EPB41L4A: variants seen among roughly 807,000 people sequenced by gnomAD.
The protein encoded by EPB41L4A is erythrocyte membrane protein band 4.1 like 4A.
A neutral mutation model predicts 108.6 loss-of-function variants in EPB41L4A; 100 were observed. That is an observed-to-expected ratio of 0.92 (90% CI 0.78 to 1.09). The LOEUF is 1.09. Among genes scored for constraint, EPB41L4A ranks in the 50% least tolerant of loss-of-function variants. The probability of loss-of-function intolerance (pLI) is 0.00; values close to 1 mark genes in which losing one functional copy is unlikely to be tolerated. For missense variants in EPB41L4A, 1,030 were observed against 842.7 expected (o/e 1.22, Z -2.75); for synonymous variants, 319 against 289.0 (o/e 1.10, Z -1.05).
chr5:112,143,883 G>T, intron 13 of EPB41L4A: 1 of 455,302 alleles, frequency 2.2e-6, no homozygotes, highest in Non-Finnish European at 4.4e-6. Flanking sequence ...AGTCTGCACT[G>T]AAGACATAGA....
At chr5:112,355,392 T>A (rs1327389972) in intron 1 of EPB41L4A, among the ~76,000 whole-genome samples, 1 of 152,188 alleles carries the variant, frequency 6.6e-6, no homozygotes, top group African/African-American at 2.4e-5. Context: ...AGACTAAAGA[T>A]CCTTCTCATG....
chr5:112,161,478 C>T (rs764510397), downstream of EPB41L4A: 4 of 518,068 alleles, frequency 7.7e-6, no homozygotes, highest in Non-Finnish European at 1.5e-5. Flanking sequence ...CTACCTCACG[C>T]AGTGTCAGCC....
chr5:112,339,478 A>ATCTATATATCTATATCTATATC, intron 1 of EPB41L4A, among the ~76,000 whole-genome samples: 1 of 32,500 alleles, frequency 3.1e-5, no homozygotes, highest in African/African-American at 1.3e-4. Flanking sequence ...ATATATCTAT[A>ATCTATATATCTATATCTATATC]TATATATATA....
chr5:112,242,483 C>T (rs76299759), intron 9 of EPB41L4A, among the ~76,000 whole-genome samples: 1 of 152,188 alleles, frequency 6.6e-6, no homozygotes, highest in Non-Finnish European at 1.5e-5. Flanking sequence ...TCTACCGCAT[C>T]TGCAGTTACT....
intron 1 of EPB41L4A, among the ~76,000 whole-genome samples, chr5:112,333,316 A>G (rs891643110): frequency 6.6e-6 from 1 of 151,470 alleles, no homozygotes; most frequent in Non-Finnish European, 1.5e-5. Context: ...AAAAGGGGGG[A>G]AGGGAAAACG....
chr5:112,366,582 C>T (rs538048558), intron 1 of EPB41L4A, among the ~76,000 whole-genome samples: 27 of 152,192 alleles, frequency 1.8e-4, no homozygotes, highest in African/African-American at 6.5e-4. Flanking sequence ...TGCTGAGACA[C>T]AGCCCACCTG....
chr5:112,408,703 AAAAAAAAAAAAAAAAGG>A (rs1762236741), intron 1 of EPB41L4A, among the ~76,000 whole-genome samples: 2 of 64,464 alleles, frequency 3.1e-5, no homozygotes, highest in Admixed American at 1.8e-4. Flanking sequence ...AAAAAAAAAA[AAAAAAAAAAAAAAAAGG>A]GCCAGTAAGC....
chr5:112,219,775 A>AAGTG (rs771080407), intron 12 of EPB41L4A, among the ~76,000 whole-genome samples: 5 of 152,180 alleles, frequency 3.3e-5, no homozygotes, highest in Non-Finnish European at 5.9e-5. Flanking sequence ...GGCTCACTGC[A>AAGTG]ACTTCCATCT....
chr5:112,149,776 G>C (rs765335114), intron 12 of EPB41L4A, among the ~76,000 whole-genome samples: 1 of 152,204 alleles, frequency 6.6e-6, no homozygotes, highest in East Asian at 1.9e-4. Flanking sequence ...AATATGGGAC[G>C]TCCTGAGAGG....
chr5:112,183,269 A>T (rs1246880730), intron 18 of EPB41L4A: 1 of 152,144 alleles, frequency 6.6e-6, no homozygotes, highest in Non-Finnish European at 1.5e-5. Flanking sequence ...CTTATCATAC[A>T]CGACTGGACT....
chr5:112,317,988 T>A (rs1051696442), intron 1 of EPB41L4A, among the ~76,000 whole-genome samples: 2 of 152,172 alleles, frequency 1.3e-5, no homozygotes, highest in Admixed American at 6.5e-5. Context: ...AACAAAGGAA[T>A]GTCCTTGATG....
chr5:112,178,580 CTT>C (rs370429229), intron 18 of EPB41L4A, among the ~76,000 whole-genome samples: 1 of 147,666 alleles, frequency 6.8e-6, no homozygotes. Context: ...ACTGTTCAGA[CTT>C]TTTTTTTTAA....
At chr5:112,377,117 A>G (rs1371929131) in intron 1 of EPB41L4A, among the ~76,000 whole-genome samples, 4 of 151,918 alleles carry the variant, frequency 2.6e-5, no homozygotes, top group Non-Finnish European at 4.4e-5. Context: ...AGATGAGAAG[A>G]TCACTCAAGC....
exon 14 of EPB41L4A, chr5:112,143,622 AC>A (rs1397036190): frequency 5.1e-6 from 1 of 196,420 alleles, no homozygotes; most frequent in Non-Finnish European, 1.1e-5. Context: ...CCTCATTCTT[AC>A]TATTGCAGAC....
intron 5 of EPB41L4A, among the ~76,000 whole-genome samples, 198 bp from the exon 6 acceptor site, chr5:112,265,214 C>T (rs1030397394): frequency 7.9e-5 from 12 of 152,084 alleles, no homozygotes; most frequent in African/African-American, 2.9e-4. Context: ...GACTTAAAAA[C>T]AGAAGTTCTT....
intron 12 of EPB41L4A, among the ~76,000 whole-genome samples, chr5:112,233,653 T>C (rs1749120021): frequency 1.3e-5 from 2 of 152,306 alleles, no homozygotes; most frequent in South Asian, 2.1e-4. Context: ...GCTCAAGCGA[T>C]ACTTCTGCCC....
intron 1 of EPB41L4A, among the ~76,000 whole-genome samples, chr5:112,397,424 C>T (rs752144528): frequency 1.5e-4 from 23 of 152,072 alleles, no homozygotes; most frequent in Non-Finnish European, 3.2e-4. Flanking sequence ...TACTAAGCAC[C>T]AAACTGTGCA....
chr5:112,388,239 G>T (rs73214250), intron 1 of EPB41L4A, among the ~76,000 whole-genome samples: 3,507 of 152,192 alleles, frequency 0.023, 147 homozygotes, highest in African/African-American at 0.081. Context: ...AAGCAGTTAA[G>T]GTCACAGTTT....
intron 1 of EPB41L4A, among the ~76,000 whole-genome samples, chr5:112,341,921 G>GT (rs1460775537): frequency 6.6e-6 from 1 of 152,182 alleles, no homozygotes; most frequent in Non-Finnish European, 1.5e-5. Context: ...CTTAGCTTAT[G>GT]AGAAGACAGT....
Sources: gnomAD v4.1 joint callset for allele counts (sites outside exome capture counted in the v4.1 genomes callset) on GRCh38, gnomAD v4.1.1 for gene constraint, MANE v1.5 for transcripts, NCBI Gene and HGNC (gene_info 2026-07-23, HGNC 2026-07-21) for gene names.